Variants in PIP4P2 observed in about 807,000 individuals in gnomAD.
The protein encoded by PIP4P2 is phosphatidylinositol-4,5-bisphosphate 4-phosphatase 2.
In PIP4P2, 19 loss-of-function variants were observed where a neutral mutation model predicts 33.3. That is an observed-to-expected ratio of 0.57 (90% confidence interval 0.40 to 0.84). The LOEUF is 0.84. PIP4P2 is among the 40% of genes least tolerant of loss of function. PIP4P2 has a pLI of 0.00. For missense variants in PIP4P2, 270 were observed against 324.7 expected (o/e 0.83, Z 1.29); for synonymous variants, 110 against 111.9 (o/e 0.98, Z 0.11).
At chr8:91,036,585 G>GA (rs1415761207) in intron 1 of PIP4P2, among the ~76,000 whole-genome samples, 2 of 152,100 alleles carry the variant, frequency 1.3e-5, no homozygotes, top group Non-Finnish European at 2.9e-5. Context: ...CCAAGCTACT[G>GA]AAATAGTTCA....
rs758389577 is a variant in PIP4P2 at position 90,998,705 on chromosome 8, A to T, written c.540-1961T>A. Among the ~76,000 whole-genome samples, 56 of 152,228 alleles carry T rather than the reference A, an allele frequency of 3.7e-4. 1 individual carries two copies. Among genetic ancestry groups the T allele is most frequent in the Non-Finnish European group, 6.8e-4 (46 of 67,978 alleles). ...ATAAATGGTGCTGGAATAACTGGCT[A>T]GCCATATGCAGAACATTGAAACTGG... is the stretch of plus-strand genomic sequence containing the variant. On this transcript the variant is annotated intron_variant, in intron 5 of 6. Coordinates refer to ENST00000285419, the MANE Select transcript of PIP4P2 (RefSeq NM_018710.3).
chr8:91,040,515 C>T (rs1451077947), intron 1 of PIP4P2, 129 bp downstream of exon 1: 4 of 1,048,506 alleles, frequency 3.8e-6, no homozygotes, highest in Non-Finnish European at 5.7e-6. Context: ...GCACAGTCAG[C>T]ATCCTTCCTC....
intron 5 of PIP4P2, among the ~76,000 whole-genome samples, chr8:91,004,567 T>C (rs748797389): frequency 1.3e-5 from 2 of 152,116 alleles, no homozygotes; most frequent in Non-Finnish European, 2.9e-5. Flanking sequence ...AATCAAAATA[T>C]GGAATTTATT....
intron 4 of PIP4P2, among the ~76,000 whole-genome samples, chr8:91,009,730 A>G (rs999476722): frequency 3.3e-5 from 5 of 151,950 alleles, no homozygotes; most frequent in African/African-American, 1.2e-4. Context: ...ACACAATAGA[A>G]GATACCTTTT....
chr8:91,032,873 A>G (rs997059404), intron 1 of PIP4P2, among the ~76,000 whole-genome samples: 3 of 152,046 alleles, frequency 2.0e-5, no homozygotes, highest in African/African-American at 7.2e-5. Flanking sequence ...GAAGTATTAC[A>G]GTTTCCATTT....
chr8:91,040,827 TCTG>T lies in PIP4P2; in HGVS notation c.-81_-79del. ...CGGAGTGGTGGCTACTGCTGCTGCC[TCTG>T]CTGCCGCTGCTGCCGCTGCAGCTGC... On this transcript the variant is annotated 5_prime_UTR_variant, in exon 1 of 7. Transcript: ENST00000285419. 5 of 1,332,752 alleles carry T rather than the reference TCTG, an allele frequency of 3.8e-6. No individual in the cohort carries two copies. In the South Asian group the frequency reaches 6.1e-5, roughly 16 times the overall value. 82.6% of individuals were successfully genotyped at this position (1,332,752 alleles called of 1,614,324 possible).
Position 91,008,341 on chromosome 8 carries a change from T to C in PIP4P2, c.539+402A>G, listed in dbSNP as rs1586176722. On this transcript the variant is annotated intron_variant, in intron 5 of 6. Coordinates refer to ENST00000285419, the MANE Select transcript of PIP4P2 (RefSeq NM_018710.3). ...ATGCTGCTATCAGTAATAATCTTATTAGGCAGGAGATGAAAAAGGCCAACA... is the reference window on the plus strand; with the variant it reads ...ATGCTGCTATCAGTAATAATCTTATCAGGCAGGAGATGAAAAAGGCCAACA... 2.6e-5 allele frequency among the ~76,000 whole-genome samples: 4 copies of C among 152,250 alleles called. No homozygotes were observed. The South Asian group carries it at 6.2e-4, about 24-fold the overall frequency.
At chr8:91,008,822 G>A in intron 4 of PIP4P2, 27 bp from the exon 5 acceptor site, 4 of 1,572,380 alleles carry the variant, frequency 2.5e-6, no homozygotes, top group Non-Finnish European at 2.6e-6. Context: ...GAGAGGAATT[G>A]AAAAGAAAAC....
At chr8:91,024,278 T>G (rs1195177495) in intron 1 of PIP4P2, 8 of 427,284 alleles carry the variant, frequency 1.9e-5, no homozygotes, top group Non-Finnish European at 3.8e-5. Flanking sequence ...TCCCTTTCTC[T>G]CAGATTTTAC....
chr8:91,017,415 A>C (rs1451478502), intron 4 of PIP4P2, among the ~76,000 whole-genome samples: 6 of 152,132 alleles, frequency 3.9e-5, no homozygotes, highest in Admixed American at 1.3e-4. Flanking sequence ...TAAATGAATA[A>C]ATAAATAAAA....
At chr8:91,002,179 T>C (rs1350203128) in intron 5 of PIP4P2, among the ~76,000 whole-genome samples, 1 of 152,138 alleles carries the variant, frequency 6.6e-6, no homozygotes, top group Admixed American at 6.6e-5. Context: ...TGTTGGCATA[T>C]ACCTTCAGGA....
In PIP4P2 at chr8:90,997,845, T is replaced by C. The variant is rs375950411; in HGVS notation, c.540-1101A>G. On this transcript the variant is annotated intron_variant, in intron 5 of 6. Transcript: ENST00000285419. Reference sequence around the variant, plus strand: ...CTAGGCATGATTTAGAAACATGTGATTCCAAATAGGTTAATTTTGCATACA... The same window carrying C: ...CTAGGCATGATTTAGAAACATGTGACTCCAAATAGGTTAATTTTGCATACA... Among the ~76,000 whole-genome samples the C allele has an allele frequency of 7.9e-5, 12 of 152,206 alleles. No homozygotes were observed. The East Asian group carries it at 2.1e-3, about 27-fold the overall frequency.
rs1272240309 is a variant in PIP4P2, at chr8:91,008,769, CAG to C, written c.511_512del (p.Leu171GlyfsTer14). 2 of 1,608,628 alleles carry C rather than the reference CAG, an allele frequency of 1.2e-6. No individual in the cohort carries two copies. The highest frequency in any genetic ancestry group is 1.7e-6 in the Non-Finnish European group (2 of 1,176,294). ...TTTTTTTGCAGTGTGGGCATTTTGC[CAG>C]AGTGTTGAACCTCAGTTCCATCCAC... The part of the protein sequence containing the change: ...FLWMELRFNT[L>X]AKCPHCKKIS... On this transcript the variant is annotated frameshift_variant, in exon 5 of 7. Transcript: ENST00000285419. LOFTEE classifies it high-confidence loss of function.
chr8:91,024,550 G>C (rs979377634), intron 1 of PIP4P2, among the ~76,000 whole-genome samples: 2 of 151,838 alleles, frequency 1.3e-5, no homozygotes, highest in Admixed American at 6.6e-5. Context: ...CAGCTTCCTC[G>C]GTAGCTGGGA....
chr8:91,034,889 T>C (rs972844218), intron 1 of PIP4P2, among the ~76,000 whole-genome samples: 1 of 152,208 alleles, frequency 6.6e-6, no homozygotes, highest in Non-Finnish European at 1.5e-5. Context: ...TTTAATTCAG[T>C]AAAAGTCTAG....
intron 1 of PIP4P2, among the ~76,000 whole-genome samples, chr8:91,039,193 G>C (rs1812273102): frequency 6.6e-6 from 1 of 152,222 alleles, no homozygotes; most frequent in East Asian, 1.9e-4. Flanking sequence ...GAGTGTTTAA[G>C]TCTATTCTAC....
chr8:91,040,807 T>C lies in PIP4P2; in HGVS notation c.-58A>G. 1 of 1,479,654 alleles carries C rather than the reference T, an allele frequency of 6.8e-7. No individual in the cohort carries two copies. The highest frequency in any genetic ancestry group is 1.1e-5 in the South Asian group (1 of 87,360). 91.7% of individuals were successfully genotyped at this position (1,479,654 alleles called of 1,614,324 possible). A position where few individuals can be genotyped will look rare whatever the true frequency, so the allele number is the denominator to read the frequency against. On this transcript the variant is annotated 5_prime_UTR_variant, in exon 1 of 7. Coordinates refer to ENST00000285419, the MANE Select transcript of PIP4P2 (RefSeq NM_018710.3). ...AGCCGGGGTTGCGGCCTCGGCGGAGTGGTGGCTACTGCTGCTGCCTCTGCT... is the reference window on the plus strand; with the variant it reads ...AGCCGGGGTTGCGGCCTCGGCGGAGCGGTGGCTACTGCTGCTGCCTCTGCT...
At position 91,021,404 on chromosome 8, in the gene PIP4P2, G is replaced by C. The variant is rs200603061; in HGVS notation, c.107C>G (p.Ala36Gly). The C allele has an allele frequency of 9.3e-6, 15 of 1,613,150 alleles. No homozygotes were observed. Among genetic ancestry groups the C allele is most frequent in the Non-Finnish European group, 1.2e-5 (14 of 1,179,478 alleles). The change falls in exon 2 of 7, where the codon GCG (alanine) becomes GGG (glycine). Residue 36 changes from alanine to glycine, a missense_variant and splice_region_variant. Physicochemically the swap from Ala to Gly is moderately conservative, Grantham distance 60. Coordinates refer to ENST00000285419, the MANE Select transcript of PIP4P2 (RefSeq NM_018710.3). ...PPYLQESSPR[A>G]ELPPPYTAIA... ...GGCTGTATATGGAGGTGGGAGCTCCGCTGAAAAGATATTAGTCACTGAATC... is the reference window on the plus strand; with the variant it reads ...GGCTGTATATGGAGGTGGGAGCTCCCCTGAAAAGATATTAGTCACTGAATC...
At chr8:90,998,173 C>T (rs780074555) in intron 5 of PIP4P2, among the ~76,000 whole-genome samples, 1 of 152,030 alleles carries the variant, frequency 6.6e-6, no homozygotes, top group Non-Finnish European at 1.5e-5. Context: ...GCCTGTGCAT[C>T]TGCATTTGGC....
Sources: gnomAD v4.1 joint callset for allele counts (sites outside exome capture counted in the v4.1 genomes callset) on GRCh38, gnomAD v4.1.1 for gene constraint, MANE v1.5 for transcripts, NCBI Gene and HGNC (gene_info 2026-07-23, HGNC 2026-07-21) for gene names.